LRRC55: variants seen among roughly 807,000 people sequenced by gnomAD.
LRRC55 encodes leucine-rich repeat-containing protein 55.
Under a neutral mutation model 20.5 loss-of-function variants are expected in LRRC55, and 11 were observed. That is an observed-to-expected ratio of 0.54 (90% confidence interval 0.34 to 0.89). The LOEUF (loss-of-function observed/expected upper bound fraction) is 0.89, where lower values mean the gene tolerates loss of function less well. Among genes scored for constraint, LRRC55 ranks in the 40% least tolerant of loss-of-function variants. LRRC55 has a pLI of 0.02. For missense variants in LRRC55, 358 were observed against 390.9 expected (o/e 0.92, Z 0.71); for synonymous variants, 188 against 166.6 (o/e 1.13, Z -0.99).
intron 1 of LRRC55, among the ~76,000 whole-genome samples, chr11:57,185,270 C>CTTTTT (rs58800728): frequency 0.013 from 1,196 of 89,390 alleles, 4 homozygotes; most frequent in East Asian, 0.02. Context: ...CTTTTCTTTT[C>CTTTTT]TTTTTTTTTT....
At chr11:57,185,190 C>T (rs1854414505) in intron 1 of LRRC55, among the ~76,000 whole-genome samples, 1 of 150,970 alleles carries the variant, frequency 6.6e-6, no homozygotes, top group Non-Finnish European at 1.5e-5. Flanking sequence ...TGCATTTATA[C>T]AACACATAAT....
rs1379483846 is a variant in LRRC55 at position 57,188,729 on chromosome 11, C to G, written c.*1249C>G. 6.6e-6 allele frequency: 1 copy of G among 152,230 alleles called. No individual in the cohort carries two copies. Among genetic ancestry groups the G allele is most frequent in the Non-Finnish European group, 1.5e-5 (1 of 68,042 alleles). 9.4% of individuals were successfully genotyped at this position (152,230 alleles called of 1,614,324 possible). On this transcript the variant is annotated 3_prime_UTR_variant, in exon 2 of 2. Coordinates refer to ENST00000497933, the MANE Select transcript of LRRC55 (RefSeq NM_001005210.4). ...GCCCCATCCAAGTTGGGGAACATCACCATTCCCTCTAGAGTTATATAAATT... is the reference window on the plus strand; with the variant it reads ...GCCCCATCCAAGTTGGGGAACATCAGCATTCCCTCTAGAGTTATATAAATT...
chr11:57,185,905 A>G (rs191436087), intron 1 of LRRC55, among the ~76,000 whole-genome samples: 1,598 of 152,152 alleles, frequency 0.011, 15 homozygotes, highest in Middle Eastern at 0.024. Context: ...GCCCCCTCCT[A>G]CAGAAGCTTG....
chr11:57,189,528 T>C lies in LRRC55; in HGVS notation c.*2048T>C, dbSNP rs1854479741. 1 of 152,086 alleles carries C rather than the reference T, an allele frequency of 6.6e-6. No homozygotes were observed. The highest frequency in any genetic ancestry group is 2.4e-5 in the African/African-American group (1 of 41,360). 9.4% of individuals were successfully genotyped at this position (152,086 alleles called of 1,614,324 possible). A position where few individuals can be genotyped will look rare whatever the true frequency, so the allele number is the denominator to read the frequency against. ...AAAACATCAGCAATGGTGGCCATGG[T>C]GGCAGTCATGTGAAAAGTAAGATCT... is the stretch of plus-strand genomic sequence containing the variant. On this transcript the variant is annotated 3_prime_UTR_variant, in exon 2 of 2. Transcript: ENST00000497933.
Position 57,187,942 on chromosome 11 carries a change from G to C in LRRC55, c.*462G>C, listed in dbSNP as rs1259440526. 4.5e-6 allele frequency: 1 copy of C among 220,934 alleles called. No individual in the cohort carries two copies. The highest frequency in any genetic ancestry group is 8.9e-6 in the Non-Finnish European group (1 of 112,338). 13.7% of individuals were successfully genotyped at this position (220,934 alleles called of 1,614,324 possible). ...GAGGCCAGAATATGCATAGTGTGCT[G>C]TGTTGAGAAGAGTGAACAGTTCCTG... On this transcript the variant is annotated 3_prime_UTR_variant, in exon 2 of 2. Transcript: ENST00000497933.
At position 57,181,991 on chromosome 11, in the gene LRRC55, C is replaced by G; in HGVS notation, c.-32C>G. On this transcript the variant is annotated 5_prime_UTR_variant, in exon 1 of 2. Coordinates refer to ENST00000497933, the MANE Select transcript of LRRC55 (RefSeq NM_001005210.4). ...TCCATGGACACAGTCCTCATGGGCTCCCTCCAGCACTGCTGTTGCCTGCTG... is the reference window on the plus strand; with the variant it reads ...TCCATGGACACAGTCCTCATGGGCTGCCTCCAGCACTGCTGTTGCCTGCTG... The G allele has an allele frequency of 1.2e-6, 2 of 1,614,156 alleles. No individual in the cohort carries two copies. The highest frequency in any genetic ancestry group is 1.1e-5 in the South Asian group (1 of 91,078).
At chr11:57,184,092 C>T (rs939060940) in intron 1 of LRRC55, among the ~76,000 whole-genome samples, 76 of 152,284 alleles carry the variant, frequency 5.0e-4, no homozygotes, top group East Asian at 1.9e-4. Flanking sequence ...CTGTGGGTCA[C>T]GATTCCAGTG....
chr11:57,187,684 A>T lies in LRRC55; in HGVS notation c.*204A>T, dbSNP rs1590512412. On this transcript the variant is annotated 3_prime_UTR_variant, in exon 2 of 2. Coordinates refer to ENST00000497933, the MANE Select transcript of LRRC55 (RefSeq NM_001005210.4). ...TTGGGAACATCAGATGAACTGACTC[A>T]GTCCCTGCCCTCAAGGCACTTCCCT... 8 of 629,238 alleles carry T rather than the reference A, an allele frequency of 1.3e-5. No individual in the cohort carries two copies. In the East Asian group the frequency reaches 2.2e-4, roughly 17 times the overall value. 39.0% of individuals were successfully genotyped at this position (629,238 alleles called of 1,614,324 possible).
Position 57,187,718 on chromosome 11 carries a change from GGAGAGA to G in LRRC55, c.*241_*246del. 1 of 591,980 alleles carries G rather than the reference GGAGAGA, an allele frequency of 1.7e-6. No individual in the cohort carries two copies. The highest frequency in any genetic ancestry group is 3.0e-6 in the Non-Finnish European group (1 of 335,260). 36.7% of individuals were successfully genotyped at this position (591,980 alleles called of 1,614,324 possible). A position where few individuals can be genotyped will look rare whatever the true frequency, so the allele number is the denominator to read the frequency against. ...CCTCAAGGCACTTCCCTCTGGTCAA[GGAGAGA>G]GATCCAAAAACTATTCCCTTTAAGA... On this transcript the variant is annotated 3_prime_UTR_variant, in exon 2 of 2. Coordinates refer to ENST00000497933, the MANE Select transcript of LRRC55 (RefSeq NM_001005210.4).
Sources: allele counts gnomAD v4.1 joint callset (sites outside exome capture counted in the v4.1 genomes callset), GRCh38; gene constraint gnomAD v4.1.1; transcripts MANE v1.5; gene names NCBI Gene and HGNC (gene_info 2026-07-23, HGNC 2026-07-21).